Variants in SF3B4 observed in about 807,000 individuals in gnomAD.
SF3B4 encodes SAP 49.
In SF3B4, 3 loss-of-function variants were observed where a neutral mutation model predicts 34.3. The ratio of observed to expected loss-of-function variants is 0.09; its 90% CI spans 0.04 to 0.23. SF3B4 has a LOEUF of 0.23. Among genes scored for constraint, SF3B4 ranks in the 10% least tolerant of loss-of-function variants. The pLI is 1.00. For synonymous variants in SF3B4, 216 were observed against 207.8 expected (o/e 1.04, Z -0.34); for missense variants, 283 against 567.2 (o/e 0.50, Z 5.09).
In SF3B4 at chr1:149,923,644, GGGT is replaced by G; in HGVS notation, c.1170_1172del (p.Pro393del). The G allele has an allele frequency of 6.5e-7, 1 of 1,527,922 alleles. No homozygotes were observed. Among genetic ancestry groups the G allele is most frequent in the Non-Finnish European group, 8.7e-7 (1 of 1,149,852 alleles). 94.6% of individuals were successfully genotyped at this position (1,527,922 alleles called of 1,614,324 possible). Reference sequence around the variant, plus strand: ...GCCCCCGCTGGTAGCCATAGGGTGGGGGTCGTGGAGGGCCAGTGTATCCATGGG... The same window carrying G: ...GCCCCCGCTGGTAGCCATAGGGTGGGCGTGGAGGGCCAGTGTATCCATGGG... On this transcript the variant is annotated inframe_deletion, in exon 6 of 6. Coordinates refer to ENST00000271628, the MANE Select transcript of SF3B4 (RefSeq NM_005850.5).
Position 149,927,150 on chromosome 1 carries a change from C to T in SF3B4, c.163+16G>A. On this transcript the variant is annotated intron_variant, in intron 2 of 5. Transcript: ENST00000271628. ...GGGACCCTCCGGGAGCAATTCGCCC[C>T]TTGTCATGTACTCACCTTGGTGCTG... 1 of 1,612,658 alleles carries T rather than the reference C, an allele frequency of 6.2e-7. No homozygotes were observed. Among genetic ancestry groups the T allele is most frequent in the Non-Finnish European group, 8.5e-7 (1 of 1,179,578 alleles).
chr1:149,924,561 C>A lies in SF3B4; in HGVS notation c.914-547G>T, dbSNP rs183240438. 2.6e-5 allele frequency among the ~76,000 whole-genome samples: 4 copies of A among 152,296 alleles called. No individual in the cohort carries two copies. The East Asian group carries it at 7.7e-4, about 29-fold the overall frequency. ...AACTCCTTACCCTATTTGCTTGCTT[C>A]TTCCATGATTTAGGTACTGTAATAG... On this transcript the variant is annotated intron_variant, in intron 4 of 5. Coordinates refer to ENST00000271628, the MANE Select transcript of SF3B4 (RefSeq NM_005850.5).
chr1:149,924,019 G>C lies in SF3B4; in HGVS notation c.914-5C>G. On this transcript the variant is annotated splice_region_variant and splice_polypyrimidine_tract_variant and intron_variant, in intron 4 of 5. Transcript: ENST00000271628. ...CAAGCTGCATCTGAGACATCCCTAT[G>C]AAAATAAAATAGACACAAGAAGAAA... 6.5e-7 allele frequency: 1 copy of C among 1,529,402 alleles called. No individual in the cohort carries two copies. 94.7% of individuals were successfully genotyped at this position (1,529,402 alleles called of 1,614,324 possible).
At chr1:149,924,916 G>A (rs1397484259) in intron 4 of SF3B4, among the ~76,000 whole-genome samples, 1 of 152,220 alleles carries the variant, frequency 6.6e-6, no homozygotes, top group Non-Finnish European at 1.5e-5. Flanking sequence ...GTCAAAGGGA[G>A]CAACAGAGGA....
Position 149,925,724 on chromosome 1 carries a change from G to A in SF3B4, c.913+112C>T, listed in dbSNP as rs782032075. 3.7e-6 allele frequency: 3 copies of A among 814,212 alleles called. No individual in the cohort carries two copies. In the East Asian group the frequency reaches 7.6e-5, roughly 21 times the overall value. 50.4% of individuals were successfully genotyped at this position (814,212 alleles called of 1,614,324 possible). ...TGTTTTTATAATAGAATGTCTGAAG[G>A]AAAGGAAAACTCTGAAACTGTTACT... On this transcript the variant is annotated intron_variant, in intron 4 of 5. Coordinates refer to ENST00000271628, the MANE Select transcript of SF3B4 (RefSeq NM_005850.5).
chr1:149,924,975 G>C (rs587751770), intron 4 of SF3B4, among the ~76,000 whole-genome samples: 1 of 152,202 alleles, frequency 6.6e-6, no homozygotes, highest in Admixed American at 6.5e-5. Flanking sequence ...CCTACACTGT[G>C]AAAGTAGATC....
In SF3B4 at chr1:149,927,497, G is replaced by A. The variant is rs45548131; in HGVS notation, c.35-203C>T. On this transcript the variant is annotated intron_variant, in intron 1 of 5. Coordinates refer to ENST00000271628, the MANE Select transcript of SF3B4 (RefSeq NM_005850.5). ...AAGTCTAATTTAGTATTGTGAGTGG[G>A]TTTTTTTGATTTTTTGAGTGAGAAG... The A allele has an allele frequency of 0.058, 43,188 of 750,628 alleles. 1,473 individuals carry two copies. Among genetic ancestry groups the A allele is most frequent in the Non-Finnish European group, 0.072 (33,851 of 472,968 alleles). 46.5% of individuals were successfully genotyped at this position (750,628 alleles called of 1,614,324 possible). A position where few individuals can be genotyped will look rare whatever the true frequency, so the allele number is the denominator to read the frequency against.
chr1:149,923,884 T>G lies in SF3B4; in HGVS notation c.1044A>C (p.Pro348=). The change falls in exon 5 of 6, where the codon CCA becomes CCC. Residue 348 remains proline (P), a synonymous_variant. Coordinates refer to ENST00000271628, the MANE Select transcript of SF3B4 (RefSeq NM_005850.5). The part of the protein sequence containing the change: ...PPGMPHPGPP[P]MGMPPRGPPF... ...GAGGCCCTCGGGGGGGCATGCCCAT[T>G]GGAGGAGGTCCAGGATGAGGCATTC... is the stretch of plus-strand genomic sequence containing the variant. 1 of 1,605,384 alleles carries G rather than the reference T, an allele frequency of 6.2e-7. No individual in the cohort carries two copies. The highest frequency in any genetic ancestry group is 8.5e-7 in the Non-Finnish European group (1 of 1,177,418).
intron 4 of SF3B4, among the ~76,000 whole-genome samples, chr1:149,924,366 C>A (rs368138239): frequency 3.3e-5 from 5 of 152,016 alleles, no homozygotes; most frequent in South Asian, 4.2e-4. Context: ...GGGCCTGGGA[C>A]GTCAAGGCTA....
intron 4 of SF3B4, among the ~76,000 whole-genome samples, chr1:149,924,632 G>A (rs1553765746): frequency 6.6e-6 from 1 of 152,084 alleles, no homozygotes; most frequent in African/African-American, 2.4e-5. Flanking sequence ...CTGTTGATAG[G>A]ATTTGAGAAA....
chr1:149,925,001 T>C (rs2092580815), intron 4 of SF3B4, among the ~76,000 whole-genome samples: 1 of 152,158 alleles, frequency 6.6e-6, no homozygotes, highest in Non-Finnish European at 1.5e-5. Context: ...TAGGGAAAAC[T>C]GGAGTCAAAG....
intron 4 of SF3B4, 103 bp from the exon 5 acceptor site, chr1:149,924,117 A>G: frequency 1.0e-6 from 1 of 1,001,028 alleles, no homozygotes; most frequent in East Asian, 2.8e-5. Context: ...TGACATCAGA[A>G]AGAGAACTAT....
rs587773179 is a variant in SF3B4 at position 149,927,583 on chromosome 1, C to T, written c.34+143G>A. The stretch of plus-strand genomic sequence containing the variant: ...GGCCTCAGCCAGCACCCGGCCACCC[C>T]GCCCCCAACAGGCAGAGGGCCGGTC... On this transcript the variant is annotated intron_variant, in intron 1 of 5. Transcript: ENST00000271628. The T allele has an allele frequency of 6.0e-4, 677 of 1,123,722 alleles. 1 individual carries two copies. Among genetic ancestry groups the T allele is most frequent in the Non-Finnish European group, 7.4e-4 (584 of 785,034 alleles). The allele number at this position is 1,123,722 out of a possible 1,614,324, so 69.6% of individuals were successfully genotyped here.
chr1:149,924,746 A>G (rs902793198), intron 4 of SF3B4, among the ~76,000 whole-genome samples: 1 of 152,168 alleles, frequency 6.6e-6, no homozygotes, highest in African/African-American at 2.4e-5. Flanking sequence ...AAAGATTACC[A>G]TGTGCAAGTC....
Position 149,926,111 on chromosome 1 carries a change from T to TGCCTGGAGAGGCCA in SF3B4, c.707-70_707-69insTGGCCTCTCCAGGC. On this transcript the variant is annotated intron_variant, in intron 3 of 5. Coordinates refer to ENST00000271628, the MANE Select transcript of SF3B4 (RefSeq NM_005850.5). This position sits in a 1 kb window ranked among gnomAD's most constrained non-coding sequence, Gnocchi z 6.2. ...GAAAATGTCTTTAAAGAGCCTGTCC[T>TGCCTGGAGAGGCCA]GATCTGGCCTCTCCAGGCAGGGTGA... 1 of 789,632 alleles carries TGCCTGGAGAGGCCA rather than the reference T, an allele frequency of 1.3e-6. No individual in the cohort carries two copies. Among genetic ancestry groups the TGCCTGGAGAGGCCA allele is most frequent in the Non-Finnish European group, 2.0e-6 (1 of 500,030 alleles). The allele number at this position is 789,632 out of a possible 1,614,324, so 48.9% of individuals were successfully genotyped here.
At chr1:149,925,812 C>T in intron 4 of SF3B4, 24 bp downstream of exon 4, 1 of 1,594,060 alleles carries the variant, frequency 6.3e-7, no homozygotes, top group South Asian at 1.1e-5. Context: ...CTCTTCCCTC[C>T]CTTTCCCAAC....
intron 2 of SF3B4, 37 bp downstream of exon 2, chr1:149,927,129 C>A (rs782553649): frequency 6.2e-6 from 10 of 1,609,878 alleles, no homozygotes; most frequent in South Asian, 1.1e-5. Flanking sequence ...ACTGCTGGGA[C>A]CCTCCGGGAG....
chr1:149,923,318 A>C lies in SF3B4; in HGVS notation c.*224T>G. 2.0e-6 allele frequency: 1 copy of C among 498,330 alleles called. No individual in the cohort carries two copies. The highest frequency in any genetic ancestry group is 3.5e-6 in the Non-Finnish European group (1 of 285,896). The allele number at this position is 498,330 out of a possible 1,614,324, so 30.9% of individuals were successfully genotyped here. On this transcript the variant is annotated 3_prime_UTR_variant, in exon 6 of 6. Coordinates refer to ENST00000271628, the MANE Select transcript of SF3B4 (RefSeq NM_005850.5). ...TGTTGTCAAGGAAAACACCACAAAT[A>C]AACAAGGAGTTTAGTTTTATTTTCT... is the stretch of plus-strand genomic sequence containing the variant.
intron 4 of SF3B4, 48 bp downstream of exon 4, chr1:149,925,788 G>A (rs782616588): frequency 2.8e-6 from 4 of 1,417,760 alleles, no homozygotes; most frequent in African/African-American, 2.8e-5. Context: ...TGGTAACAGA[G>A]ATGCTCTACC....
Sources: allele counts gnomAD v4.1 joint callset (sites outside exome capture counted in the v4.1 genomes callset), GRCh38; gene constraint gnomAD v4.1.1; non-coding constraint Gnocchi (gnomAD v3.1); transcripts MANE v1.5; gene names NCBI Gene and HGNC (gene_info 2026-07-23, HGNC 2026-07-21).